The following GFRA1 variants were observed in gnomAD, a reference collection of about 807,000 sequenced individuals.
GFRA1 encodes GDNF family receptor alpha-1.
GFRA1 carries 16 observed loss-of-function variants against 51.6 expected under a neutral mutation model. That is an observed-to-expected ratio of 0.31 (90% CI 0.21 to 0.47). The LOEUF (loss-of-function observed/expected upper bound fraction) is 0.47. Among genes scored for constraint, GFRA1 ranks in the 20% least tolerant of loss-of-function variants. The probability of loss-of-function intolerance (pLI) is 1.00; values close to 1 mark genes in which losing one functional copy is unlikely to be tolerated. For synonymous variants in GFRA1, 270 were observed against 241.3 expected (o/e 1.12, Z -1.10); for missense variants, 530 against 594.3 (o/e 0.89, Z 1.13).
intron 5 of GFRA1, among the ~76,000 whole-genome samples, chr10:116,132,005 G>A (rs1045557473): frequency 4.0e-5 from 6 of 151,018 alleles, no homozygotes; most frequent in African/African-American, 7.3e-5. Flanking sequence ...CCAGAAGATC[G>A]AGACCAGCTT....
At chr10:116,171,778 C>T (rs1961051958) in intron 5 of GFRA1, among the ~76,000 whole-genome samples, 1 of 152,178 alleles carries the variant, frequency 6.6e-6, no homozygotes, top group Admixed American at 6.5e-5. Context: ...TCATCGGTTT[C>T]ACCTGCCATC....
chr10:116,261,790 G>A (rs1969320604), intron 4 of GFRA1, among the ~76,000 whole-genome samples: 1 of 152,192 alleles, frequency 6.6e-6, no homozygotes, highest in African/African-American at 2.4e-5. Flanking sequence ...AAAAGTCATG[G>A]TAAAAACAGC....
chr10:116,225,534 CAAAAAA>C (rs756377767), intron 4 of GFRA1, among the ~76,000 whole-genome samples: 3 of 63,960 alleles, frequency 4.7e-5, no homozygotes, highest in Admixed American at 2.8e-4. Flanking sequence ...AGTCTGTCTC[CAAAAAA>C]AAAAAAAAAA....
chr10:116,141,474 T>C (rs181419360), intron 5 of GFRA1, among the ~76,000 whole-genome samples: 1 of 152,036 alleles, frequency 6.6e-6, no homozygotes, highest in Admixed American at 6.6e-5. Flanking sequence ...TGAGAGTATA[T>C]GCTCTGCCTC....
At chr10:116,139,316 G>T (rs562949810) in intron 5 of GFRA1, among the ~76,000 whole-genome samples, 10 of 152,282 alleles carry the variant, frequency 6.6e-5, no homozygotes, top group African/African-American at 2.4e-4. Flanking sequence ...CATCAAATAA[G>T]ATCCCAGGGC....
At chr10:116,181,337 G>GA (rs936243533) in intron 5 of GFRA1, among the ~76,000 whole-genome samples, 58 of 152,204 alleles carry the variant, frequency 3.8e-4, no homozygotes, top group African/African-American at 1.4e-3. Context: ...CCAAGAAGTT[G>GA]AAAAAGATGC....
intron 8 of GFRA1, among the ~76,000 whole-genome samples, chr10:116,093,455 G>A (rs1180000828): frequency 6.6e-6 from 1 of 152,138 alleles, no homozygotes; most frequent in East Asian, 1.9e-4. Flanking sequence ...AGTCTTAGCA[G>A]CACCCAGTTC....
intron 4 of GFRA1, among the ~76,000 whole-genome samples, chr10:116,260,500 T>A (rs951189582): frequency 2.6e-5 from 4 of 152,218 alleles, no homozygotes; most frequent in Admixed American, 2.0e-4. Flanking sequence ...AATCCTCCTG[T>A]GGCTGGAGAG....
At chr10:116,100,967 G>A (rs1013976198) in intron 6 of GFRA1, among the ~76,000 whole-genome samples, 2 of 152,204 alleles carry the variant, frequency 1.3e-5, no homozygotes, top group Non-Finnish European at 2.9e-5. Flanking sequence ...AAAGATGGGG[G>A]AGGACAGGTT....
intron 5 of GFRA1, among the ~76,000 whole-genome samples, chr10:116,207,258 G>C (rs576060425): frequency 8.0e-4 from 122 of 152,330 alleles, no homozygotes; most frequent in African/African-American, 2.7e-3. Flanking sequence ...GAAACACTGA[G>C]GTTTCCTAAT....
intron 5 of GFRA1, among the ~76,000 whole-genome samples, chr10:116,150,796 C>A (rs999437927): frequency 1.3e-5 from 2 of 152,088 alleles, no homozygotes; most frequent in African/African-American, 4.8e-5. Flanking sequence ...AACATTGTTC[C>A]CGAACAGTTG....
intron 5 of GFRA1, among the ~76,000 whole-genome samples, chr10:116,174,801 G>C (rs1347754028): frequency 6.6e-6 from 1 of 152,062 alleles, no homozygotes; most frequent in African/African-American, 2.4e-5. Context: ...ATCTATATGG[G>C]TAACATTTTA....
chr10:116,162,843 G>A (rs1413734625), intron 5 of GFRA1, among the ~76,000 whole-genome samples: 2 of 152,188 alleles, frequency 1.3e-5, no homozygotes, highest in Non-Finnish European at 2.9e-5. Flanking sequence ...CAAAGTCCTT[G>A]CAAGAGTTGT....
intron 9 of GFRA1, among the ~76,000 whole-genome samples, chr10:116,066,664 G>A (rs1382638793): frequency 1.3e-5 from 2 of 152,174 alleles, no homozygotes; most frequent in African/African-American, 4.8e-5. Context: ...TGCAGACCCA[G>A]TCTCTTCAAT....
At position 116,265,980 on chromosome 10, in the gene GFRA1, G is replaced by C. The variant is rs1012998372; in HGVS notation, c.418+3523C>G. The stretch of plus-strand genomic sequence containing the variant: ...TCCCTCTGCAGTTCTCTCCTGACTT[G>C]GCTACTTGGTTTCCCTTCTGCATTT... On this transcript the variant is annotated intron_variant, in intron 4 of 10. Transcript: ENST00000355422. Among the ~76,000 whole-genome samples, 12 of 152,060 alleles carry C rather than the reference G, an allele frequency of 7.9e-5. 1 individual carries two copies. Among genetic ancestry groups the C allele is most frequent in the Admixed American group, 2.6e-4 (4 of 15,272 alleles).
chr10:116,066,018 G>A (rs909279446), intron 9 of GFRA1, among the ~76,000 whole-genome samples: 7 of 152,162 alleles, frequency 4.6e-5, no homozygotes, highest in Non-Finnish European at 8.8e-5. Flanking sequence ...AAAACGTTTT[G>A]AAGTAATCCC....
intron 4 of GFRA1, among the ~76,000 whole-genome samples, chr10:116,219,235 TA>T (rs1221681424): frequency 6.6e-6 from 1 of 152,044 alleles, no homozygotes; most frequent in East Asian, 1.9e-4. Flanking sequence ...TGAAAGAACA[TA>T]AAAAAATAGA....
intron 5 of GFRA1, among the ~76,000 whole-genome samples, chr10:116,134,182 T>G (rs1038993601): frequency 1.3e-5 from 2 of 152,232 alleles, no homozygotes; most frequent in Non-Finnish European, 2.9e-5. Flanking sequence ...AAAAGAACGT[T>G]TGTTTGCACA....
intron 9 of GFRA1, among the ~76,000 whole-genome samples, chr10:116,072,377 G>A (rs1286968141): frequency 2.0e-5 from 3 of 152,114 alleles, no homozygotes; most frequent in South Asian, 2.1e-4. Context: ...CTTCTATGGC[G>A]AGCTGGCTAA....
Sources: gnomAD v4.1 joint callset for allele counts (sites outside exome capture counted in the v4.1 genomes callset) on GRCh38, gnomAD v4.1.1 for gene constraint, MANE v1.5 for transcripts, NCBI Gene and HGNC (gene_info 2026-07-23, HGNC 2026-07-21) for gene names.